N4BP2: variants seen among roughly 807,000 people sequenced by gnomAD.
N4BP2 encodes NEDD4 binding protein 2.
Under a neutral mutation model 152.8 loss-of-function variants are expected in N4BP2, and 91 were observed. The ratio of observed to expected loss-of-function variants is 0.60; its 90% CI spans 0.50 to 0.71. The LOEUF (loss-of-function observed/expected upper bound fraction) is 0.71, where lower values mean the gene tolerates loss of function less well. Among genes scored for constraint, N4BP2 ranks in the 30% least tolerant of loss-of-function variants. The probability of loss-of-function intolerance (pLI) is 0.00; values close to 1 mark genes in which losing one functional copy is unlikely to be tolerated. For missense variants in N4BP2, 1,923 were observed against 2,059.1 expected, an observed-to-expected ratio of 0.93 and a Z score of 1.28; for synonymous variants, 646 against 705.3, an observed-to-expected ratio of 0.92 and a Z score of 1.33.
chr4:40,107,058 A>T, intron 5 of N4BP2, 34 bp downstream of exon 5: 1 of 1,598,628 alleles, frequency 6.3e-7, no homozygotes. Flanking sequence ...GGGTAACGTT[A>T]TGAGTAATAC....
chr4:40,190,331 A>C, the N4BP2 span, among the ~76,000 whole-genome samples: 1 of 152,218 alleles, frequency 6.6e-6, no homozygotes, highest in African/African-American at 2.4e-5. Context: ...TAACGGGGCA[A>C]CCAGATGGCT....
chr4:40,099,932 T>C (rs1173622891), intron 3 of N4BP2: 2 of 196,292 alleles, frequency 1.0e-5, no homozygotes, highest in South Asian at 6.0e-5. Flanking sequence ...CCTTTTTTTT[T>C]CTTCCATTTT....
chr4:40,185,470 A>G, the N4BP2 span, among the ~76,000 whole-genome samples: 2 of 152,208 alleles, frequency 1.3e-5, no homozygotes, highest in African/African-American at 4.8e-5. Context: ...TATATTTAGA[A>G]GATTAAAAGA....
chr4:40,189,314 A>G, the N4BP2 span, among the ~76,000 whole-genome samples: 4 of 152,202 alleles, frequency 2.6e-5, no homozygotes, highest in African/African-American at 9.6e-5. The surrounding 1 kb of genome is among the most constrained non-coding windows in gnomAD (Gnocchi z 4.3). Context: ...CTCTGGTTAT[A>G]GTTCTCTCTC....
At chr4:40,076,048 A>T (rs959164630) in intron 2 of N4BP2, among the ~76,000 whole-genome samples, 11 of 150,220 alleles carry the variant, frequency 7.3e-5, no homozygotes, top group African/African-American at 2.7e-4. Context: ...CTTGTATTGA[A>T]CTCCTGCGCT....
chr4:40,123,393 T>TC (rs1451920693), intron 10 of N4BP2, among the ~76,000 whole-genome samples, 181 bp downstream of exon 10: 1 of 145,336 alleles, frequency 6.9e-6, no homozygotes, highest in African/African-American at 2.8e-5. Flanking sequence ...GATTACTGTC[T>TC]TTTTTTTTCT....
In N4BP2 at chr4:40,126,289, A is replaced by G; in HGVS notation, c.4486A>G (p.Ile1496Val). ...TQTKKVSLRE[I>V]MSEEIALQEK... ...AACTAAAAAAGTATCACTCAGAGAA[A>G]TAATGTCAGAAGAAATTGCCTTACA... Residue 1496 changes from isoleucine (I) to valine (V), a missense_variant, in exon 12 of 18, where the codon ATA becomes GTA. Physicochemically the swap from Ile to Val is conservative, Grantham distance 29. Transcript: ENST00000261435. 2 of 1,582,672 alleles carry G rather than the reference A, an allele frequency of 1.3e-6. No homozygotes were observed. Among genetic ancestry groups the G allele is most frequent in the Non-Finnish European group, 1.7e-6 (2 of 1,164,204 alleles).
intron 10 of N4BP2, 85 bp from the exon 11 acceptor site, chr4:40,124,075 T>G: frequency 1.0e-6 from 1 of 1,003,282 alleles, no homozygotes; most frequent in Non-Finnish European, 1.6e-6. Flanking sequence ...AGAAATGATT[T>G]CTAGAGAAAA....
At chr4:40,112,226 G>T in intron 6 of N4BP2, 54 bp downstream of exon 6, 1 of 985,894 alleles carries the variant, frequency 1.0e-6, no homozygotes, top group South Asian at 1.5e-5. Context: ...AATTATTGGG[G>T]AACATTAATT....
rs76181460 is a variant in N4BP2, at chr4:40,157,344, T to A, written c.*3107T>A. The stretch of plus-strand genomic sequence containing the variant: ...ATAGGACATATTATATAGCAGAAAT[T>A]TTGACTTTAAATCCTCTTGAGTAGT... On this transcript the variant is annotated 3_prime_UTR_variant, in exon 18 of 18. Coordinates refer to ENST00000261435, the MANE Select transcript of N4BP2 (RefSeq NM_018177.6). The A allele has an allele frequency of 1.3e-5, 2 of 152,110 alleles. No individual in the cohort carries two copies. The highest frequency in any genetic ancestry group is 3.8e-4 in the East Asian group (2 of 5,206). The allele number at this position is 152,110 out of a possible 1,614,324, so 9.4% of individuals were successfully genotyped here.
chr4:40,189,581 C>T, the N4BP2 span, among the ~76,000 whole-genome samples: 135 of 152,156 alleles, frequency 8.9e-4, no homozygotes, highest in Admixed American at 1.6e-3. This position sits in a 1 kb window ranked among gnomAD's most constrained non-coding sequence, Gnocchi z 4.3. Context: ...GGATTTACGC[C>T]GATGATAAAG....
intron 7 of N4BP2, among the ~76,000 whole-genome samples, chr4:40,116,604 A>G (rs1717360276): frequency 6.6e-6 from 1 of 152,098 alleles, no homozygotes; most frequent in Admixed American, 6.6e-5. Context: ...CTCAATTTAC[A>G]TGCTCTCATT....
rs370910934 is a variant in N4BP2 at position 40,117,987 on chromosome 4, G to C, written c.1783G>C (p.Glu595Gln). 5.6e-5 allele frequency: 90 copies of C among 1,610,522 alleles called. No homozygotes were observed. Among genetic ancestry groups the C allele is most frequent in the Non-Finnish European group, 7.4e-5 (87 of 1,178,350 alleles). Reference sequence around the variant, plus strand: ...GGTTCCAGAGAAAATTGAACGTATTGAGTTGTGTGCATATTCTTGTGAGGA... The same window carrying C: ...GGTTCCAGAGAAAATTGAACGTATTCAGTTGTGTGCATATTCTTGTGAGGA... ...SSVPEKIERI[E>Q]LCAYSCEDRS... The change falls in exon 8 of 18, where the codon GAG (glutamate) becomes CAG (glutamine). Residue 595 changes from glutamate to glutamine, a missense_variant. Transcript: ENST00000261435.
Position 40,102,928 on chromosome 4 carries a change from G to C in N4BP2, c.1083G>C (p.Pro361=), listed in dbSNP as rs774272435. The change falls in exon 4 of 18, where the codon CCG becomes CCC. Residue 361 remains proline (P), a synonymous_variant. Coordinates refer to ENST00000261435, the MANE Select transcript of N4BP2 (RefSeq NM_018177.6). ...TGTTGCCTCCTCCGCCACCTCCACC[G>C]ATGTGGAATCCAATGATTCCTGCTT... is the stretch of plus-strand genomic sequence containing the variant. ...PLLLPPPPPP[P]MWNPMIPAFD... is the part of the protein sequence containing the mutation. 8 of 1,614,146 alleles carry C rather than the reference G, an allele frequency of 5.0e-6. No homozygotes were observed. Among genetic ancestry groups the C allele is most frequent in the Non-Finnish European group, 6.8e-6 (8 of 1,180,042 alleles).
At chr4:40,169,659 T>TA in the N4BP2 span, among the ~76,000 whole-genome samples, 527 of 141,362 alleles carry the variant, frequency 3.7e-3, 1 homozygote, top group East Asian at 0.016. Flanking sequence ...TGCTCATCTT[T>TA]AAAAAAAAAA....
chr4:40,176,763 C>A, the N4BP2 span, among the ~76,000 whole-genome samples: 1 of 152,336 alleles, frequency 6.6e-6, no homozygotes, highest in East Asian at 1.9e-4. Context: ...AGAAACTCCA[C>A]CCAACCTGCC....
the N4BP2 span, among the ~76,000 whole-genome samples, chr4:40,163,774 T>G: frequency 6.6e-6 from 1 of 152,252 alleles, no homozygotes; most frequent in Non-Finnish European, 1.5e-5. Flanking sequence ...GGCCTTGTTA[T>G]GAGAGACAAT....
chr4:40,112,144 C>T lies in N4BP2; in HGVS notation c.1559C>T (p.Ala520Val). The change falls in exon 6 of 18, where the codon GCA becomes GTA. Residue 520 changes from alanine (A) to valine (V), a missense_variant. Transcript: ENST00000261435. Reference sequence around the variant, plus strand: ...ATTATAGATAATACAAACCTACAGGCATGGGAAATGAAACCATATGTTGCT... The same window carrying T: ...ATTATAGATAATACAAACCTACAGGTATGGGAAATGAAACCATATGTTGCT... ...PIIIDNTNLQ[A>V]WEMKPYVALS... The T allele has an allele frequency of 6.3e-7, 1 of 1,578,716 alleles. No homozygotes were observed. The highest frequency in any genetic ancestry group is 8.6e-7 in the Non-Finnish European group (1 of 1,157,148).
rs1429793276 is a variant in N4BP2, at chr4:40,120,776, G to C, written c.2665G>C (p.Asp889His). The C allele has an allele frequency of 1.2e-6, 2 of 1,614,024 alleles. No individual in the cohort carries two copies. Among genetic ancestry groups the C allele is most frequent in the Non-Finnish European group, 1.7e-6 (2 of 1,180,024 alleles). The change falls in exon 9 of 18, where the codon GAT (aspartate) becomes CAT (histidine). Residue 889 changes from aspartate to histidine, a missense_variant. Asp to His is a moderately conservative substitution (Grantham distance 81). Coordinates refer to ENST00000261435, the MANE Select transcript of N4BP2 (RefSeq NM_018177.6). ...FNIMGDWPSSDSLAQREHRSR... is the reference protein window; with the variant it reads ...FNIMGDWPSSHSLAQREHRSR... Reference sequence around the variant, plus strand: ...CATTATGGGTGACTGGCCTTCATCTGATTCTTTAGCTCAGAGGGAACACAG... The same window carrying C: ...CATTATGGGTGACTGGCCTTCATCTCATTCTTTAGCTCAGAGGGAACACAG...
Sources: allele counts gnomAD v4.1 joint callset (sites outside exome capture counted in the v4.1 genomes callset), GRCh38; gene constraint gnomAD v4.1.1; non-coding constraint Gnocchi (gnomAD v3.1); transcripts MANE v1.5; gene names NCBI Gene and HGNC (gene_info 2026-07-23, HGNC 2026-07-21).